Variants in MICAL2 observed in about 807,000 individuals in gnomAD.
The protein encoded by MICAL2 is [F-actin]-monooxygenase MICAL2.
MICAL2 carries 77 observed loss-of-function variants against 127.3 expected under a neutral mutation model. That is an observed-to-expected ratio of 0.60 (90% confidence interval 0.50 to 0.73). MICAL2 has a LOEUF of 0.73. Ranked by LOEUF, MICAL2 falls within the 30% of genes least tolerant of loss-of-function variation. The pLI is 0.00. For synonymous variants in MICAL2, 570 were observed against 551.1 expected (o/e 1.03, Z -0.48); for missense variants, 1,351 against 1,434.4 (o/e 0.94, Z 0.94).
intron 3 of MICAL2, 57 bp downstream of exon 3, chr11:12,162,476 A>C: frequency 6.3e-7 from 1 of 1,592,140 alleles, no homozygotes; most frequent in Middle Eastern, 1.7e-4. Context: ...GACATTTGGG[A>C]GGTTAGGAAG....
chr11:12,289,139 G>A (rs908181718), downstream of MICAL2, among the ~76,000 whole-genome samples: 20 of 152,366 alleles, frequency 1.3e-4, no homozygotes, highest in African/African-American at 4.6e-4. Context: ...GGTTGCTGCT[G>A]CCAGAGGGCC....
At chr11:12,222,585 A>G (rs1461550820) in intron 10 of MICAL2, 32 bp from the exon 11 acceptor site, 14 of 1,613,932 alleles carry the variant, frequency 8.7e-6, no homozygotes, top group African/African-American at 1.3e-5. Flanking sequence ...GGCAAAAGTG[A>G]TCCCTGACCT....
intron 1 of MICAL2, among the ~76,000 whole-genome samples, chr11:12,115,793 A>G (rs1849963488): frequency 6.6e-6 from 1 of 152,166 alleles, no homozygotes. Flanking sequence ...TATTTTCTTA[A>G]AAAAGAAGAC....
intron 24 of MICAL2, among the ~76,000 whole-genome samples, chr11:12,269,973 C>T (rs140788633): frequency 0.013 from 1,927 of 152,346 alleles, 21 homozygotes; most frequent in Middle Eastern, 0.048. Context: ...ACTCCTGTTC[C>T]CATGACTGCA....
exon 33 of MICAL2, chr11:12,349,889 T>C: frequency 6.2e-7 from 1 of 1,614,082 alleles, no homozygotes; most frequent in Non-Finnish European, 8.5e-7. Context: ...TTTAAGCTGG[T>C]TCTGGAGAAG....
intron 2 of MICAL2, among the ~76,000 whole-genome samples, chr11:12,143,742 T>A (rs1852586849): frequency 6.6e-6 from 1 of 152,196 alleles, no homozygotes; most frequent in Non-Finnish European, 1.5e-5. Flanking sequence ...CAGGGTCACA[T>A]AATATTTCTG....
At chr11:12,115,491 T>G (rs1252724346) in intron 1 of MICAL2, among the ~76,000 whole-genome samples, 1 of 152,168 alleles carries the variant, frequency 6.6e-6, no homozygotes, top group African/African-American at 2.4e-5. Flanking sequence ...TTTTTATTTT[T>G]TATTTTTGGT....
chr11:12,227,215 G>A, intron 15 of MICAL2, 84 bp downstream of exon 15: 2 of 990,266 alleles, frequency 2.0e-6, no homozygotes, highest in Non-Finnish European at 1.6e-6. Context: ...TTCTCAGCCT[G>A]TTGAGGCTAG....
At chr11:12,278,470 G>A (rs4757329) in intron 1 of MICAL2, among the ~76,000 whole-genome samples, 42,712 of 152,082 alleles carry the variant, frequency 0.28, 7,131 homozygotes, top group East Asian at 0.7. Context: ...GAATTTTCCC[G>A]CTCCATTATA....
intron 24 of MICAL2, among the ~76,000 whole-genome samples, chr11:12,271,023 G>A (rs1328669345): frequency 6.6e-6 from 1 of 152,188 alleles, no homozygotes; most frequent in Non-Finnish European, 1.5e-5. Context: ...CCATGTGTGA[G>A]GACAGACGTT....
rs375309682 is a variant in MICAL2 at position 12,300,873 on chromosome 11, A to G, written c.5212+6016A>G. On this transcript the variant is annotated intron_variant, in intron 29 of 34. Coordinates refer to the MICAL2 transcript ENST00000646065. ...CAAACTTGTGGGAATTGGTTCCACA[A>G]CAATAGAAAAACCCATACAAGTATA... Among the ~76,000 whole-genome samples the G allele has an allele frequency of 1.8e-3, 269 of 152,328 alleles. 2 individuals are homozygous for G. Among genetic ancestry groups the G allele is most frequent in the African/African-American group, 6.3e-3 (260 of 41,568 alleles).
intron 24 of MICAL2, among the ~76,000 whole-genome samples, chr11:12,270,139 T>A (rs1396369843): frequency 2.0e-5 from 3 of 152,180 alleles, no homozygotes; most frequent in Non-Finnish European, 4.4e-5. Context: ...TGGCAGTGGG[T>A]AGAAGGACTG....
intron 32 of MICAL2, among the ~76,000 whole-genome samples, chr11:12,327,552 C>A (rs570214202): frequency 6.6e-6 from 1 of 152,250 alleles, no homozygotes; most frequent in Non-Finnish European, 1.5e-5. Flanking sequence ...CACCTCTCCA[C>A]TGGCTAACAC....
At chr11:12,289,554 TTGTTTTTTTTTG>T (rs758399235), downstream of MICAL2, among the ~76,000 whole-genome samples, 70 of 32,688 alleles carry the variant, frequency 2.1e-3, 1 homozygote, top group Non-Finnish European at 6.1e-3. Context: ...TGGGCACCTC[TTGTTTTTTTTTG>T]TTTTTTTTTT....
intron 22 of MICAL2, among the ~76,000 whole-genome samples, chr11:12,252,189 A>G (rs941324325): frequency 6.6e-6 from 1 of 152,232 alleles, no homozygotes; most frequent in African/African-American, 2.4e-5. Context: ...ATGGAACATC[A>G]GGCAAACAAT....
chr11:12,210,387 C>T (rs759169676), intron 6 of MICAL2, among the ~76,000 whole-genome samples: 3 of 152,320 alleles, frequency 2.0e-5, no homozygotes, highest in Non-Finnish European at 2.9e-5. Context: ...AGCCTGCCCC[C>T]TCAAGAGCCA....
At chr11:12,152,817 T>C (rs893897910) in intron 2 of MICAL2, among the ~76,000 whole-genome samples, 5 of 152,208 alleles carry the variant, frequency 3.3e-5, no homozygotes, top group Admixed American at 1.3e-4. Flanking sequence ...CCTAATGATT[T>C]ATTTTGTTTA....
chr11:12,212,897 A>G (rs1855673824), intron 6 of MICAL2, among the ~76,000 whole-genome samples: 1 of 152,208 alleles, frequency 6.6e-6, no homozygotes, highest in African/African-American at 2.4e-5. Flanking sequence ...CTAACAGAGT[A>G]GTTTTCATCC....
chr11:12,143,966 A>G (rs904775732), intron 2 of MICAL2, among the ~76,000 whole-genome samples: 2 of 152,126 alleles, frequency 1.3e-5, no homozygotes, highest in African/African-American at 4.8e-5. Flanking sequence ...AGAGAGCGCC[A>G]GGAACTCTTG....
Sources: gnomAD v4.1 joint callset for allele counts (sites outside exome capture counted in the v4.1 genomes callset) on GRCh38, gnomAD v4.1.1 for gene constraint, MANE v1.5 for transcripts, NCBI Gene and HGNC (gene_info 2026-07-23, HGNC 2026-07-21) for gene names.